ADCY2: variants seen among roughly 807,000 people sequenced by gnomAD.
ADCY2 encodes the protein adenylate cyclase 2.
ADCY2 carries 31 observed loss-of-function variants against 125.2 expected under a neutral mutation model. The observed-to-expected ratio is 0.25, with a 90% CI of 0.19 to 0.33. The LOEUF (loss-of-function observed/expected upper bound fraction) is 0.33. Among genes scored for constraint, ADCY2 ranks in the 10% least tolerant of loss-of-function variants. The pLI is 1.00. For missense variants in ADCY2, 904 were observed against 1,418.2 expected, an observed-to-expected ratio of 0.64 and a Z score of 5.82; for synonymous variants, 512 against 548.4, an observed-to-expected ratio of 0.93 and a Z score of 0.93.
chr5:7,741,623 TTATCAC>T (rs1742414779), intron 14 of ADCY2, among the ~76,000 whole-genome samples: 1 of 25,276 alleles, frequency 4.0e-5, no homozygotes, highest in African/African-American at 1.3e-4. Context: ...ATCACCATCA[TTATCAC>T]CATCATCATC....
chr5:7,722,632 AC>A (rs1741796357), intron 12 of ADCY2, among the ~76,000 whole-genome samples: 1 of 152,040 alleles, frequency 6.6e-6, no homozygotes, highest in South Asian at 2.1e-4. Flanking sequence ...TACAGCTTAT[AC>A]CCTTGAATCA....
chr5:7,504,748 A>G (rs1461917600), intron 2 of ADCY2, among the ~76,000 whole-genome samples: 1 of 151,346 alleles, frequency 6.6e-6, no homozygotes, highest in Non-Finnish European at 1.5e-5. Context: ...GGCTCAAAAG[A>G]TCCACCTGTC....
intron 3 of ADCY2, among the ~76,000 whole-genome samples, chr5:7,606,069 T>C (rs1737364631): frequency 6.6e-6 from 1 of 150,834 alleles, no homozygotes; most frequent in Non-Finnish European, 1.5e-5. Context: ...ATTGAGATAA[T>C]CATGTGGTTT....
At chr5:7,405,075 C>T (rs913171867) in intron 1 of ADCY2, among the ~76,000 whole-genome samples, 5 of 152,218 alleles carry the variant, frequency 3.3e-5, no homozygotes, top group Admixed American at 6.5e-5. Context: ...ATTGAGGCAC[C>T]GTGAAGACCC....
At chr5:7,405,553 T>G (rs1046782984) in intron 1 of ADCY2, among the ~76,000 whole-genome samples, 2 of 152,180 alleles carry the variant, frequency 1.3e-5, no homozygotes, top group Non-Finnish European at 2.9e-5. Flanking sequence ...AGCCTGAGCT[T>G]CTTTGCATGG....
intron 3 of ADCY2, among the ~76,000 whole-genome samples, chr5:7,582,788 A>G (rs1019725070): frequency 2.6e-5 from 4 of 152,160 alleles, no homozygotes; most frequent in Admixed American, 2.0e-4. Flanking sequence ...CAATGGTCAA[A>G]TATTAAACAC....
intron 3 of ADCY2, among the ~76,000 whole-genome samples, chr5:7,559,685 G>T (rs115888428): frequency 0.015 from 2,286 of 152,166 alleles, 49 homozygotes; most frequent in African/African-American, 0.052. Flanking sequence ...TTGCCTGTTA[G>T]CCCTGGCCAG....
rs185502520 is a variant in ADCY2, at chr5:7,744,673, C to G, written c.1956+921C>G. 6.9e-3 allele frequency among the ~76,000 whole-genome samples: 1,044 copies of G among 152,378 alleles called. 5 individuals carry two copies. Among genetic ancestry groups the G allele is most frequent in the Non-Finnish European group, 0.011 (732 of 68,038 alleles). ...GTTTCGTTTTGTTCAATGGAGATGA[C>G]CTGGGACAGAGAGGCCACTCTGAGC... On this transcript the variant is annotated intron_variant, in intron 15 of 24. Transcript: ENST00000338316.
chr5:7,815,218 T>G (rs988390961), intron 22 of ADCY2, among the ~76,000 whole-genome samples: 1 of 152,240 alleles, frequency 6.6e-6, no homozygotes, highest in African/African-American at 2.4e-5. Context: ...TGAGTTCTTC[T>G]TCTTTGTCAG....
chr5:7,527,579 A>G (rs750924817), intron 3 of ADCY2, among the ~76,000 whole-genome samples: 14 of 152,346 alleles, frequency 9.2e-5, no homozygotes, highest in Non-Finnish European at 2.1e-4. Context: ...GCAAGAATCC[A>G]TATTTATTAA....
intron 14 of ADCY2, among the ~76,000 whole-genome samples, chr5:7,729,515 TA>T (rs1446360845): frequency 6.6e-6 from 1 of 151,868 alleles, no homozygotes; most frequent in Non-Finnish European, 1.5e-5. Context: ...TCTACCATTT[TA>T]TTTTGTGTTT....
At chr5:7,512,177 C>T (rs7725837) in intron 2 of ADCY2, among the ~76,000 whole-genome samples, 34,816 of 134,964 alleles carry the variant, frequency 0.26, 4,730 homozygotes, top group African/African-American at 0.36. Flanking sequence ...ACGAAGATCA[C>T]ACCATCACAC....
intron 5 of ADCY2, among the ~76,000 whole-genome samples, chr5:7,693,897 C>T (rs1242586281): frequency 6.6e-6 from 1 of 152,190 alleles, no homozygotes; most frequent in Non-Finnish European, 1.5e-5. Context: ...ACACATGCTA[C>T]CTCCCAATAC....
chr5:7,768,488 T>G (rs1194123034), intron 17 of ADCY2, among the ~76,000 whole-genome samples: 1 of 152,184 alleles, frequency 6.6e-6, no homozygotes, highest in African/African-American at 2.4e-5. Flanking sequence ...CACGTGGCAC[T>G]TTGAGTTTAA....
In ADCY2 at chr5:7,566,530, G is replaced by A. The variant is rs549090503; in HGVS notation, c.570+45631G>A. 2.0e-5 allele frequency among the ~76,000 whole-genome samples: 3 copies of A among 152,044 alleles called. No homozygotes were observed. In the East Asian group the frequency reaches 5.8e-4, roughly 29 times the overall value. On this transcript the variant is annotated intron_variant, in intron 3 of 24. Transcript: ENST00000338316. ...GAAAGAGAGAGAGAGAGAAAGGGACGCTATTCTTATGAGTAACAGACTCAT... is the reference window on the plus strand; with the variant it reads ...GAAAGAGAGAGAGAGAGAAAGGGACACTATTCTTATGAGTAACAGACTCAT...
chr5:7,802,271 G>A lies in ADCY2; in HGVS notation c.2682G>A (p.Pro894=), dbSNP rs201615098. The part of the protein sequence containing the change: ...DCVCVMFASI[P]DFKEFYTESD... ...TCTGCGTCATGTTTGCCTCCATTCC[G>A]GATTTCAAAGAATTTTATACAGAAT... The change falls in exon 21 of 25, where the codon CCG becomes CCA. Residue 894 remains proline, a synonymous_variant. Transcript: ENST00000338316. This position sits in a 1 kb window ranked among gnomAD's most constrained non-coding sequence, Gnocchi z 4.6. The A allele has an allele frequency of 1.5e-5, 25 of 1,613,948 alleles. No individual in the cohort carries two copies. The highest frequency in any genetic ancestry group is 5.0e-5 in the Admixed American group (3 of 59,992).
intron 3 of ADCY2, among the ~76,000 whole-genome samples, chr5:7,540,655 A>G (rs908850468): frequency 6.6e-6 from 1 of 152,200 alleles, no homozygotes; most frequent in Admixed American, 6.5e-5. Flanking sequence ...AGCAGAATGA[A>G]TATTCTGAAT....
chr5:7,804,649 C>CAGCAACAG lies in ADCY2; in HGVS notation c.2841_2848dup (p.Gly950GlufsTer5). The stretch of plus-strand genomic sequence containing the variant: ...AAGACCATTGGCAGCACATACATGG[C>CAGCAACAG]AGCAACAGGTCTGAGCGCTGTGCCC... On this transcript the variant is annotated frameshift_variant, in exon 22 of 25. Coordinates refer to ENST00000338316, the MANE Select transcript of ADCY2 (RefSeq NM_020546.3). LOFTEE classifies it high-confidence loss of function. The CAGCAACAG allele has an allele frequency of 6.2e-7, 1 of 1,614,186 alleles. No homozygotes were observed. The highest frequency in any genetic ancestry group is 8.5e-7 in the Non-Finnish European group (1 of 1,180,024).
intron 2 of ADCY2, among the ~76,000 whole-genome samples, chr5:7,462,976 A>G (rs948035594): frequency 6.6e-6 from 1 of 152,172 alleles, no homozygotes; most frequent in African/African-American, 2.4e-5. Flanking sequence ...AATTCCAGAG[A>G]TGTGTCAGAA....
Sources: allele counts gnomAD v4.1 joint callset (sites outside exome capture counted in the v4.1 genomes callset), GRCh38; gene constraint gnomAD v4.1.1; non-coding constraint Gnocchi (gnomAD v3.1); transcripts MANE v1.5; gene names NCBI Gene and HGNC (gene_info 2026-07-23, HGNC 2026-07-21).